DCAF11: variants seen among roughly 807,000 people sequenced by gnomAD.
DCAF11 encodes DDB1- and CUL4-associated factor 11.
Under a neutral mutation model 76.1 loss-of-function variants are expected in DCAF11, and 44 were observed. The ratio of observed to expected loss-of-function variants is 0.58; its 90% confidence interval spans 0.45 to 0.74. DCAF11 has a LOEUF of 0.74. Among genes scored for constraint, DCAF11 ranks in the 30% least tolerant of loss-of-function variants. The pLI, the probability that DCAF11 is intolerant of heterozygous loss-of-function variation, is 0.00. For missense variants in DCAF11, 604 were observed against 709.4 expected, an observed-to-expected ratio of 0.85 and a Z score of 1.69; for synonymous variants, 258 against 255.0, an observed-to-expected ratio of 1.01 and a Z score of -0.11.
Position 24,117,312 on chromosome 14 carries a change from G to A in DCAF11, c.330G>A (p.Lys110=). 6.2e-7 allele frequency: 1 copy of A among 1,614,188 alleles called. No individual in the cohort carries two copies. Among genetic ancestry groups the A allele is most frequent in the Non-Finnish European group, 8.5e-7 (1 of 1,180,038 alleles). The part of the protein sequence containing the change: ...DTRELEFNEI[K]TQVELATGQL... ...GGGAGCTGGAATTCAATGAGATCAA[G>A]ACACAAGTGGAACTGGCCACAGGGC... The change falls in exon 4 of 15, where the codon AAG becomes AAA. Residue 110 remains lysine (K), a synonymous_variant. Coordinates refer to ENST00000446197, the MANE Select transcript of DCAF11 (RefSeq NM_025230.5). This position sits in a 1 kb window ranked among gnomAD's most constrained non-coding sequence, Gnocchi z 4.3.
At position 24,118,822 on chromosome 14, in the gene DCAF11, T is replaced by A. The variant is rs772531052; in HGVS notation, c.779+18T>A. On this transcript the variant is annotated intron_variant, in intron 8 of 14. Transcript: ENST00000446197. ...GATCTCAGGTACTGGCTTCCCTTTC[T>A]GGTCAGACTCATCAGAAACTTCTCA... is the stretch of plus-strand genomic sequence containing the variant. 6.2e-7 allele frequency: 1 copy of A among 1,613,822 alleles called. No homozygotes were observed. The highest frequency in any genetic ancestry group is 2.2e-5 in the East Asian group (1 of 44,890).
At position 24,123,316 on chromosome 14, in the gene DCAF11, C is replaced by T. The variant is rs2139025086; in HGVS notation, c.*7C>T. On this transcript the variant is annotated 3_prime_UTR_variant, in exon 15 of 15. Transcript: ENST00000446197. ...CTTTTCCTCACCCCAGTAGATCCAA[C>T]CTCCAGCCCCATATAGGGTGAACCT... 1 of 1,520,966 alleles carries T rather than the reference C, an allele frequency of 6.6e-7. No homozygotes were observed. The highest frequency in any genetic ancestry group is 1.3e-5 in the South Asian group (1 of 75,812). The allele number at this position is 1,520,966 out of a possible 1,614,324, so 94.2% of individuals were successfully genotyped here.
chr14:24,117,079 T>C lies in DCAF11; in HGVS notation c.283+35T>C, dbSNP rs752368662. On this transcript the variant is annotated intron_variant, in intron 3 of 14. Coordinates refer to ENST00000446197, the MANE Select transcript of DCAF11 (RefSeq NM_025230.5). The surrounding 1 kb of genome is among the most constrained non-coding windows in gnomAD (Gnocchi z 4.3). ...AAAGCCCCTAATGTTGGAAGACTTT[T>C]ACTAGAAAACCTTTTAGTGATATTT... The C allele has an allele frequency of 1.9e-5, 30 of 1,613,940 alleles. No individual in the cohort carries two copies. The South Asian group carries it at 2.6e-4, about 14-fold the overall frequency.
intron 2 of DCAF11, among the ~76,000 whole-genome samples, chr14:24,116,314 G>T (rs531255933): frequency 6.6e-6 from 1 of 152,136 alleles, no homozygotes; most frequent in Non-Finnish European, 1.5e-5. Flanking sequence ...GGGTTTGGGG[G>T]TCCCTTCAGA....
chr14:24,123,359 CT>C lies in DCAF11; in HGVS notation c.*51del, dbSNP rs1176292477. 2 of 1,500,000 alleles carry C rather than the reference CT, an allele frequency of 1.3e-6. No homozygotes were observed. The highest frequency in any genetic ancestry group is 2.8e-5 in the African/African-American group (2 of 71,304). The allele number at this position is 1,500,000 out of a possible 1,614,324, so 92.9% of individuals were successfully genotyped here. A position where few individuals can be genotyped will look rare whatever the true frequency, so the allele number is the denominator to read the frequency against. On this transcript the variant is annotated 3_prime_UTR_variant, in exon 15 of 15. Coordinates refer to ENST00000446197, the MANE Select transcript of DCAF11 (RefSeq NM_025230.5). ...GTGAACCTCTTGATAAGCTCTCTGC[CT>C]CCTCCTCCCTTTCTCCCTTGTGGGG... is the stretch of plus-strand genomic sequence containing the variant.
rs901900462 is a variant in DCAF11 at position 24,119,450 on chromosome 14, A to G, written c.849-109A>G. On this transcript the variant is annotated intron_variant, in intron 9 of 14. Transcript: ENST00000446197. ...CCCCCACTTCCTGTATAAAAAGAGC[A>G]AAGGGCTTGACCCAGAGCAGGATTT... 8 of 1,423,672 alleles carry G rather than the reference A, an allele frequency of 5.6e-6. No homozygotes were observed. The African/African-American group carries it at 1.1e-4, about 20-fold the overall frequency. 88.2% of individuals were successfully genotyped at this position (1,423,672 alleles called of 1,614,324 possible). A position where few individuals can be genotyped will look rare whatever the true frequency, so the allele number is the denominator to read the frequency against.
In DCAF11 at chr14:24,122,978, C is replaced by A; in HGVS notation, c.1407C>A (p.Asp469Glu). The A allele has an allele frequency of 6.2e-7, 1 of 1,614,110 alleles. No homozygotes were observed. Among genetic ancestry groups the A allele is most frequent in the Non-Finnish European group, 8.5e-7 (1 of 1,179,974 alleles). ...CTTGCCTGTCCTGGACAGTGTACGA[C>A]CTTCTAAGTGGCCACATTGTGAAGA... The part of the protein sequence containing the change: ...GCSTGKVVVY[D>E]LLSGHIVKKL... The change falls in exon 14 of 15, where the codon GAC becomes GAA. Residue 469 changes from aspartate to glutamate, a missense_variant. By Grantham distance (45) the Asp-to-Glu change is conservative. Transcript: ENST00000446197.
Position 24,114,835 on chromosome 14 carries a change from G to C in DCAF11, c.-672G>C, listed in dbSNP as rs958122862. The C allele has an allele frequency of 4.1e-6, 4 of 985,842 alleles. No individual in the cohort carries two copies. The highest frequency in any genetic ancestry group is 1.7e-5 in the African/African-American group (1 of 57,260). The allele number at this position is 985,842 out of a possible 1,614,324, so 61.1% of individuals were successfully genotyped here. On this transcript the variant is annotated 5_prime_UTR_variant, in exon 1 of 15. Coordinates refer to ENST00000446197, the MANE Select transcript of DCAF11 (RefSeq NM_025230.5). ...GCGAGATGCGTGACGAGCGAAGCGC[G>C]TGACGGAGGAGCGGTTGGCCAACGC...
chr14:24,115,312 A>G lies in DCAF11; in HGVS notation c.-214+19A>G, dbSNP rs185639634. Reference sequence around the variant, plus strand: ...TCGATAGGTGAGTTTGGTGTAGAAAACAAATCTTTCTTCAGTTGGTGAGCT... The same window carrying G: ...TCGATAGGTGAGTTTGGTGTAGAAAGCAAATCTTTCTTCAGTTGGTGAGCT... On this transcript the variant is annotated intron_variant, in intron 1 of 14. Transcript: ENST00000446197. The G allele has an allele frequency of 6.1e-4, 182 of 297,210 alleles. No individual in the cohort carries two copies. Among genetic ancestry groups the G allele is most frequent in the Non-Finnish European group, 9.4e-4 (154 of 164,292 alleles). The allele number at this position is 297,210 out of a possible 1,614,324, so 18.4% of individuals were successfully genotyped here.
At chr14:24,116,827 A>C (rs2037584866) in intron 2 of DCAF11, 90 bp from the exon 3 acceptor site, 1 of 1,578,210 alleles carries the variant, frequency 6.3e-7, no homozygotes, top group East Asian at 2.2e-5. Context: ...ATGAGTACCA[A>C]GTGGTCTAAG....
In DCAF11 at chr14:24,118,755, A is replaced by T. The variant is rs750376750; in HGVS notation, c.730A>T (p.Ile244Phe). ...GTTTTTCTTGCTTCTCTTAGTTCAT[A>T]TCTGCAATATCTATGGTGAGGGAGA... ...LYSSWSDYIH[I>F]CNIYGEGDTH... The change falls in exon 8 of 15, where the codon ATC (isoleucine) becomes TTC (phenylalanine). Residue 244 changes from isoleucine to phenylalanine, a missense_variant. By Grantham distance (21) the Ile-to-Phe change is conservative. Coordinates refer to ENST00000446197, the MANE Select transcript of DCAF11 (RefSeq NM_025230.5). 1 of 1,614,064 alleles carries T rather than the reference A, an allele frequency of 6.2e-7. No homozygotes were observed. Among genetic ancestry groups the T allele is most frequent in the Admixed American group, 1.7e-5 (1 of 60,018 alleles).
chr14:24,124,158 G>T lies in DCAF11; in HGVS notation c.*849G>T, dbSNP rs1169570028. On this transcript the variant is annotated 3_prime_UTR_variant, in exon 15 of 15. Transcript: ENST00000446197. ...CCTGTGTAGGAGAAAATACCCTTCTGGTGCCCCATGAAAAAGGGAAATACC... is the reference window on the plus strand; with the variant it reads ...CCTGTGTAGGAGAAAATACCCTTCTTGTGCCCCATGAAAAAGGGAAATACC... The T allele has an allele frequency of 6.6e-6, 1 of 152,192 alleles. No individual in the cohort carries two copies. Among genetic ancestry groups the T allele is most frequent in the Non-Finnish European group, 1.5e-5 (1 of 68,036 alleles). 9.4% of individuals were successfully genotyped at this position (152,192 alleles called of 1,614,324 possible).
At chr14:24,121,027 G>A (rs2037681812) in intron 12 of DCAF11, 36 bp downstream of exon 12, 2 of 1,610,092 alleles carry the variant, frequency 1.2e-6, no homozygotes, top group African/African-American at 2.7e-5. Context: ...GGATTTGTCT[G>A]TAGCCTGGGA....
Position 24,115,606 on chromosome 14 carries a change from G to A in DCAF11, c.12G>A (p.Arg4=), listed in dbSNP as rs1162426101. 1.9e-6 allele frequency: 3 copies of A among 1,612,820 alleles called. No homozygotes were observed. Among genetic ancestry groups the A allele is most frequent in the Admixed American group, 1.7e-5 (1 of 59,768 alleles). Residue 4 remains arginine (R), a synonymous_variant, in exon 2 of 15, where the codon CGG becomes CGA. Transcript: ENST00000446197. MGS[R]NSSSAGSGSG... Reference sequence around the variant, plus strand: ...GCTGTGACCAGAAGATGGGATCGCGGAACAGCAGCAGTGCAGGATCCGGGT... The same window carrying A: ...GCTGTGACCAGAAGATGGGATCGCGAAACAGCAGCAGTGCAGGATCCGGGT...
chr14:24,115,220 C>T lies in DCAF11; in HGVS notation c.-287C>T, dbSNP rs1277152184. ...TCTTCCGAGAGGGATTTCGATTGGT[C>T]GGTCAGAGAGGTTACCTGGAAATCC... On this transcript the variant is annotated 5_prime_UTR_variant, in exon 1 of 15. Coordinates refer to ENST00000446197, the MANE Select transcript of DCAF11 (RefSeq NM_025230.5). 1.0e-5 allele frequency: 2 copies of T among 195,786 alleles called. No individual in the cohort carries two copies. Among genetic ancestry groups the T allele is most frequent in the African/African-American group, 4.7e-5 (2 of 42,472 alleles). 12.1% of individuals were successfully genotyped at this position (195,786 alleles called of 1,614,324 possible).
In DCAF11 at chr14:24,119,149, G is replaced by C. The variant is rs371215955; in HGVS notation, c.784G>C (p.Asp262His). ...CCAGCTCCTTCTTGCTTTTAGGCCA[G>C]ATGAGCGTCGCTTTGCTGTCTTCTC... The part of the protein sequence containing the change: ...DTHTALDLRP[D>H]ERRFAVFSIA... The change falls in exon 9 of 15, where the codon GAT becomes CAT. Residue 262 changes from aspartate to histidine, a missense_variant. Coordinates refer to ENST00000446197, the MANE Select transcript of DCAF11 (RefSeq NM_025230.5). 19 of 1,614,110 alleles carry C rather than the reference G, an allele frequency of 1.2e-5. No individual in the cohort carries two copies. The African/African-American group carries it at 2.1e-4, about 18-fold the overall frequency.
At chr14:24,116,052 A>G (rs1180299077) in intron 2 of DCAF11, among the ~76,000 whole-genome samples, 13 of 150,806 alleles carry the variant, frequency 8.6e-5, no homozygotes, top group Non-Finnish European at 1.5e-4. Context: ...GAAAAAAAAA[A>G]GGGGGGGGTC....
Position 24,117,719 on chromosome 14 carries a change from C to A in DCAF11, c.463C>A (p.Arg155=), listed in dbSNP as rs779108345. The A allele has an allele frequency of 2.5e-6, 4 of 1,614,070 alleles. No individual in the cohort carries two copies. The South Asian group carries it at 4.4e-5, about 18-fold the overall frequency. The change falls in exon 5 of 15, where the codon CGA becomes AGA. Residue 155 remains arginine (R), a synonymous_variant. Coordinates refer to ENST00000446197, the MANE Select transcript of DCAF11 (RefSeq NM_025230.5). The surrounding 1 kb of genome is among the most constrained non-coding windows in gnomAD (Gnocchi z 4.3). Reference sequence around the variant, plus strand: ...AAGCTTCTCCCTTGGAGAACAGTCTCGAGTGATATCTCAGTGAGTATGGGG... The same window carrying A: ...AAGCTTCTCCCTTGGAGAACAGTCTAGAGTGATATCTCAGTGAGTATGGGG... ...RGSFSLGEQS[R]VISHFLPNDL...
At position 24,120,824 on chromosome 14, in the gene DCAF11, CT is replaced by C. The variant is rs755472666; in HGVS notation, c.1093-11del. On this transcript the variant is annotated splice_polypyrimidine_tract_variant and intron_variant, in intron 11 of 14. Coordinates refer to ENST00000446197, the MANE Select transcript of DCAF11 (RefSeq NM_025230.5). ...CAAGCTCTGATGCTTCACTATCCAC[CT>C]TTGGATTCATAGGGTGATGCCCGGT... 6 of 1,613,960 alleles carry C rather than the reference CT, an allele frequency of 3.7e-6. No homozygotes were observed. In the East Asian group the frequency reaches 1.3e-4, roughly 36 times the overall value.
Sources: allele counts gnomAD v4.1 joint callset (sites outside exome capture counted in the v4.1 genomes callset), GRCh38; gene constraint gnomAD v4.1.1; non-coding constraint Gnocchi (gnomAD v3.1); transcripts MANE v1.5; gene names NCBI Gene and HGNC (gene_info 2026-07-23, HGNC 2026-07-21).